Variants in ATP13A3 observed in about 807,000 individuals in gnomAD.
ATP13A3 encodes the protein polyamine-transporting ATPase 13A3.
ATP13A3 carries 59 observed loss-of-function variants against 158.1 expected under a neutral mutation model. That is an observed-to-expected ratio of 0.37 (90% CI 0.30 to 0.46). The LOEUF is 0.46. Among genes scored for constraint, ATP13A3 ranks in the 20% least tolerant of loss-of-function variants. ATP13A3 has a pLI of 1.00. For synonymous variants in ATP13A3, 491 were observed against 504.3 expected (o/e 0.97, Z 0.35); for missense variants, 1,166 against 1,525.2 (o/e 0.76, Z 3.92).
Position 194,447,920 on chromosome 3 carries a change from G to C in ATP13A3, c.1240C>G (p.Leu414Val). The stretch of plus-strand genomic sequence containing the variant: ...CCAGCAACTGCCACAAGACATAGTA[G>C]AAACAAGTAGGCATCTCTGTAGAGT... The part of the protein sequence containing the change: ...FKLYRDAYLF[L>V]LCLVAVAGIG... Residue 414 changes from leucine to valine, a missense_variant, in exon 13 of 34, where the codon CTA (leucine) becomes GTA (valine). Around this residue, in one of 3 missense-constraint regions of ATP13A3, gnomAD observed 997 missense variants for 1,341.2 expected, o/e 0.74. Transcript: ENST00000645319. The C allele has an allele frequency of 3.1e-6, 5 of 1,610,596 alleles. No homozygotes were observed. The highest frequency in any genetic ancestry group is 4.2e-6 in the Non-Finnish European group (5 of 1,176,934).
Position 194,404,128 on chromosome 3 carries a change from A to G in ATP13A3, c.*1791T>C, listed in dbSNP as rs1158759706. The stretch of plus-strand genomic sequence containing the variant: ...TAATATGGAAATTATAAAATGATCC[A>G]GAGAATAAGTAACTATAGAAAATAG... On this transcript the variant is annotated 3_prime_UTR_variant, in exon 34 of 34. Transcript: ENST00000645319. The G allele has an allele frequency of 6.6e-6, 3 of 451,198 alleles. No homozygotes were observed. In the Admixed American group the frequency reaches 7.4e-5, roughly 11 times the overall value. The allele number at this position is 451,198 out of a possible 1,614,324, so 27.9% of individuals were successfully genotyped here. A position where few individuals can be genotyped will look rare whatever the true frequency, so the allele number is the denominator to read the frequency against.
Position 194,437,181 on chromosome 3 carries a change from G to A in ATP13A3, c.2034C>T (p.Phe678=). 2.5e-6 allele frequency: 4 copies of A among 1,614,014 alleles called. No individual in the cohort carries two copies. The highest frequency in any genetic ancestry group is 2.2e-5 in the South Asian group (2 of 91,068). Residue 678 remains phenylalanine (F), a synonymous_variant, in exon 20 of 34, where the codon TTC becomes TTT. Coordinates refer to ENST00000645319, the MANE Select transcript of ATP13A3 (RefSeq NM_001367549.1). ...CAATCACACGGAAGCCCTGTTTAGT[G>A]AAGTCTTCCAAAACGTTTTGAAAAT... The part of the protein sequence containing the change: ...PVDFQNVLED[F]TKQGFRVIAL...
chr3:194,483,586 T>C (rs1034809072), intron 2 of ATP13A3, among the ~76,000 whole-genome samples: 7 of 121,780 alleles, frequency 5.7e-5, no homozygotes, highest in African/African-American at 3.8e-4. Flanking sequence ...CAAGACCCTA[T>C]CTCAAAAAAA....
intron 10 of ATP13A3, chr3:194,452,763 A>G (rs1435813199): frequency 1.3e-5 from 2 of 152,094 alleles, no homozygotes; most frequent in Non-Finnish European, 2.9e-5. Flanking sequence ...AATAGTCATC[A>G]CTTACAAGCA....
At chr3:194,488,186 T>A (rs1361977300), upstream of ATP13A3, 1 of 152,312 alleles carries the variant, frequency 6.6e-6, no homozygotes, top group Non-Finnish European at 1.5e-5. This position sits in a 1 kb window ranked among gnomAD's most constrained non-coding sequence, Gnocchi z 4.1. Flanking sequence ...ACCGTTTTGT[T>A]TCATACCTCA....
chr3:194,417,339 C>T (rs570703200), intron 31 of ATP13A3, among the ~76,000 whole-genome samples: 5 of 144,128 alleles, frequency 3.5e-5, no homozygotes, highest in African/African-American at 5.1e-5. Context: ...CGCTTGAATC[C>T]GAGAGACAAA....
At chr3:194,418,039 G>C (rs75799141) in intron 31 of ATP13A3, among the ~76,000 whole-genome samples, 2,768 of 151,176 alleles carry the variant, frequency 0.018, 67 homozygotes, top group East Asian at 0.063. Flanking sequence ...AGGAAAGAAG[G>C]AATGAAGGAA....
chr3:194,439,630 G>A (rs555706901), intron 16 of ATP13A3, among the ~76,000 whole-genome samples: 4 of 152,084 alleles, frequency 2.6e-5, no homozygotes, highest in South Asian at 4.1e-4. Flanking sequence ...ACCTTTTTTC[G>A]TATCTTAACA....
chr3:194,434,781 A>G (rs965414063), intron 20 of ATP13A3, among the ~76,000 whole-genome samples: 1 of 152,182 alleles, frequency 6.6e-6, no homozygotes, highest in African/African-American at 2.4e-5. Context: ...TTAGCTGGGC[A>G]TGATGACATG....
At position 194,420,058 on chromosome 3, in the gene ATP13A3, A is replaced by G; in HGVS notation, c.3314-91T>C. ...TAACAGCTGGTATACTGTCATTTGTAAATTTGGTTTTGAATACTTTCACTT... is the reference window on the plus strand; with the variant it reads ...TAACAGCTGGTATACTGTCATTTGTGAATTTGGTTTTGAATACTTTCACTT... On this transcript the variant is annotated intron_variant, in intron 30 of 33. Coordinates refer to ENST00000645319, the MANE Select transcript of ATP13A3 (RefSeq NM_001367549.1). The G allele has an allele frequency of 2.2e-6, 3 of 1,353,422 alleles. No individual in the cohort carries two copies. In the South Asian group the frequency reaches 5.1e-5, roughly 23 times the overall value. 83.8% of individuals were successfully genotyped at this position (1,353,422 alleles called of 1,614,324 possible). A position where few individuals can be genotyped will look rare whatever the true frequency, so the allele number is the denominator to read the frequency against.
At chr3:194,455,650 T>A (rs550499497) in intron 8 of ATP13A3, among the ~76,000 whole-genome samples, 2 of 152,326 alleles carry the variant, frequency 1.3e-5, no homozygotes, top group East Asian at 3.8e-4. Context: ...GAATGAAGAT[T>A]GGTGAGCCTA....
rs1715790012 is a variant in ATP13A3 at position 194,415,666 on chromosome 3, T to G, written c.3403-1827A>C. Among the ~76,000 whole-genome samples the G allele has an allele frequency of 4.9e-5, 6 of 122,094 alleles. No individual in the cohort carries two copies. In the South Asian group the frequency reaches 1.9e-3, roughly 39 times the overall value. 80.1% of individuals were successfully genotyped at this position (122,094 alleles called of 152,430 possible). On this transcript the variant is annotated intron_variant, in intron 31 of 33. Coordinates refer to ENST00000645319, the MANE Select transcript of ATP13A3 (RefSeq NM_001367549.1). ...AGGATTTACAATACCACATTCTTTT[T>G]TTTTTTTTTTTTTTTTTTTTTGAGA... is the stretch of plus-strand genomic sequence containing the variant.
chr3:194,457,254 G>C (rs1476187922), intron 6 of ATP13A3, 80 bp from the exon 7 acceptor site: 4 of 1,046,318 alleles, frequency 3.8e-6, no homozygotes, highest in South Asian at 1.4e-5. Flanking sequence ...CTATATGCCT[G>C]ATTTTATAAA....
chr3:194,429,195 G>A (rs1197373092), intron 27 of ATP13A3, among the ~76,000 whole-genome samples: 4 of 152,152 alleles, frequency 2.6e-5, no homozygotes, highest in Non-Finnish European at 4.4e-5. Flanking sequence ...TTGGGAGGCC[G>A]AGGCGGGCAG....
intron 33 of ATP13A3, among the ~76,000 whole-genome samples, chr3:194,408,311 G>A (rs1005744119): frequency 2.6e-5 from 4 of 152,170 alleles, no homozygotes; most frequent in Non-Finnish European, 5.9e-5. Context: ...ATAAGCCGCC[G>A]CACCTGGCCA....
chr3:194,411,230 T>G (rs560445073), intron 33 of ATP13A3, among the ~76,000 whole-genome samples: 3 of 152,140 alleles, frequency 2.0e-5, no homozygotes, highest in Non-Finnish European at 4.4e-5. Flanking sequence ...AGGTACCACT[T>G]AGGTAAAAGT....
chr3:194,454,416 A>C, intron 8 of ATP13A3, 24 bp from the exon 9 acceptor site: 1 of 1,592,508 alleles, frequency 6.3e-7, no homozygotes, highest in Non-Finnish European at 8.6e-7. Flanking sequence ...TTTTAAAGTC[A>C]AACTGAATGA....
chr3:194,423,264 C>T (rs191142076), intron 30 of ATP13A3, among the ~76,000 whole-genome samples: 2 of 152,190 alleles, frequency 1.3e-5, no homozygotes, highest in Non-Finnish European at 2.9e-5. Context: ...TGAACCAGTA[C>T]AAGAAAGCAA....
chr3:194,426,979 C>T, intron 29 of ATP13A3, 96 bp downstream of exon 29: 3 of 1,377,418 alleles, frequency 2.2e-6, no homozygotes, highest in Middle Eastern at 2.0e-4. Context: ...GCCACCGCAC[C>T]TGGCACAAAC....
Sources: allele counts gnomAD v4.1 joint callset (sites outside exome capture counted in the v4.1 genomes callset), GRCh38; gene constraint gnomAD v4.1.1; regional missense constraint gnomAD v4.1.1; non-coding constraint Gnocchi (gnomAD v3.1); transcripts MANE v1.5; gene names NCBI Gene and HGNC (gene_info 2026-07-23, HGNC 2026-07-21).